The following SIK3 variants were observed in gnomAD, a reference collection of about 807,000 sequenced individuals.
The protein encoded by SIK3 is serine/threonine-protein kinase SIK3.
Under a neutral mutation model 144.2 loss-of-function variants are expected in SIK3, and 28 were observed. The observed-to-expected ratio is 0.19, with a 90% confidence interval of 0.14 to 0.27. SIK3 has a LOEUF of 0.27. Ranked by LOEUF, SIK3 falls within the 10% of genes least tolerant of loss-of-function variation. The pLI is 1.00. For synonymous variants in SIK3, 686 were observed against 676.3 expected, an observed-to-expected ratio of 1.01 and a Z score of -0.22; for missense variants, 1,319 against 1,776.0, an observed-to-expected ratio of 0.74 and a Z score of 4.62.
intron 1 of SIK3, among the ~76,000 whole-genome samples, chr11:116,984,692 A>C (rs942436507): frequency 1.4e-5 from 2 of 146,718 alleles, no homozygotes; most frequent in African/African-American, 2.7e-5. Context: ...GAAAAAAAGC[A>C]ACACACACAC....
intron 1 of SIK3, among the ~76,000 whole-genome samples, chr11:117,032,020 T>C (rs1288148757): frequency 6.6e-6 from 1 of 152,214 alleles, no homozygotes; most frequent in Non-Finnish European, 1.5e-5. Flanking sequence ...GCTTTTCTAT[T>C]CTGTTTCATT....
At chr11:116,925,149 C>A (rs1565458570) in intron 4 of SIK3, among the ~76,000 whole-genome samples, 1 of 151,872 alleles carries the variant, frequency 6.6e-6, no homozygotes, top group African/African-American at 2.4e-5. Context: ...GGCATAGAAG[C>A]GCGCACCTGT....
chr11:116,992,409 T>C (rs35034736), intron 1 of SIK3, among the ~76,000 whole-genome samples: 1 of 151,710 alleles, frequency 6.6e-6, no homozygotes, highest in Non-Finnish European at 1.5e-5. Context: ...GATTCTATTG[T>C]TTCCTTTCTT....
intron 21 of SIK3, among the ~76,000 whole-genome samples, chr11:116,851,959 C>T (rs1045969038): frequency 7.9e-5 from 12 of 152,194 alleles, no homozygotes; most frequent in African/African-American, 2.7e-4. Context: ...TAACATCATC[C>T]ACTCAATTCC....
At chr11:117,013,915 G>GGGGTGTGTGTGTGTGTGTGT (rs1206309055) in intron 1 of SIK3, among the ~76,000 whole-genome samples, 1 of 23,618 alleles carries the variant, frequency 4.2e-5, no homozygotes, top group African/African-American at 8.7e-5. Flanking sequence ...GGGGGGGGAG[G>GGGGTGTGTGTGTGTGTGTGT]GTGTGTGTGT....
chr11:117,012,919 T>C (rs887809219), intron 1 of SIK3, among the ~76,000 whole-genome samples: 7 of 144,788 alleles, frequency 4.8e-5, no homozygotes, highest in Non-Finnish European at 9.0e-5. Context: ...CGGCGTGATC[T>C]CGGCTCACTG....
Position 116,859,743 on chromosome 11 carries a change from T to C in SIK3, c.2426-139A>G. ...AACTGCACTGAGCATAGGACAAGTC[T>C]GGAGAACTTGTTAAACAGAAGATTC... On this transcript the variant is annotated intron_variant, in intron 19 of 24. Coordinates refer to ENST00000445177, the MANE Select transcript of SIK3 (RefSeq NM_001366686.3). The C allele has an allele frequency of 5.7e-6, 4 of 706,434 alleles. No homozygotes were observed. The South Asian group carries it at 5.7e-5, about 10-fold the overall frequency. The allele number at this position is 706,434 out of a possible 1,614,324, so 43.8% of individuals were successfully genotyped here.
chr11:117,037,528 A>G (rs1952562128), intron 1 of SIK3, among the ~76,000 whole-genome samples: 1 of 152,162 alleles, frequency 6.6e-6, no homozygotes, highest in Non-Finnish European at 1.5e-5. Context: ...AAGCTTCACT[A>G]AGGCTGAGAA....
rs1274106943 is a variant in SIK3, at chr11:117,076,531, A to AT, written c.273+21611dup. On this transcript the variant is annotated intron_variant, in intron 1 of 24. Coordinates refer to ENST00000445177, the MANE Select transcript of SIK3 (RefSeq NM_001366686.3). ...TTTAAATGATATTGCCTTAAACACA[A>AT]TTTTTTTTTTTTCGAGATGGAGTCT... Among the ~76,000 whole-genome samples the AT allele has an allele frequency of 8.1e-3, 1,196 of 146,786 alleles. 12 individuals are homozygous for AT. Among genetic ancestry groups the AT allele is most frequent in the African/African-American group, 0.027 (1,090 of 40,274 alleles).
intron 1 of SIK3, among the ~76,000 whole-genome samples, chr11:117,003,484 T>C (rs1448181371): frequency 6.8e-6 from 1 of 146,144 alleles, no homozygotes; most frequent in African/African-American, 2.5e-5. Flanking sequence ...CAGGATGAAA[T>C]AAAAAAAAAA....
intron 1 of SIK3, among the ~76,000 whole-genome samples, chr11:116,968,860 G>A (rs1289410609): frequency 2.0e-5 from 3 of 152,158 alleles, no homozygotes; most frequent in African/African-American, 7.2e-5. Flanking sequence ...CACAATTTAA[G>A]TAAAACCCAA....
chr11:117,011,570 C>G (rs1033342321), intron 1 of SIK3, among the ~76,000 whole-genome samples: 1 of 151,952 alleles, frequency 6.6e-6, no homozygotes, highest in South Asian at 2.1e-4. Context: ...GTGAGATTTA[C>G]AAAGAATTCA....
In SIK3 at chr11:117,093,506, T is replaced by C. The variant is rs547072713; in HGVS notation, c.273+4637A>G. Among the ~76,000 whole-genome samples the C allele has an allele frequency of 2.6e-5, 4 of 152,330 alleles. No individual in the cohort carries two copies. The East Asian group carries it at 7.7e-4, about 29-fold the overall frequency. ...CAGAAACATTTCTTAAATATTTCAC[T>C]TAAACCTAATTTAAGTGGACCTCTG... On this transcript the variant is annotated intron_variant, in intron 1 of 24. Transcript: ENST00000445177.
At chr11:116,989,206 T>C (rs922791385) in intron 1 of SIK3, among the ~76,000 whole-genome samples, 10 of 152,218 alleles carry the variant, frequency 6.6e-5, no homozygotes, top group Non-Finnish European at 7.4e-5. Flanking sequence ...CTTTTTTTTT[T>C]CCCCGCATGT....
chr11:116,956,888 A>G, intron 2 of SIK3, 60 bp downstream of exon 2: 2 of 1,001,300 alleles, frequency 2.0e-6, no homozygotes, highest in Non-Finnish European at 2.9e-6. Context: ...CTTCAAAGGG[A>G]GCCATACATA....
intron 1 of SIK3, 32 bp from the exon 2 acceptor site, chr11:116,957,096 G>T: frequency 7.7e-7 from 1 of 1,303,156 alleles, no homozygotes; most frequent in Non-Finnish European, 1.1e-6. Context: ...TTACTCTGAT[G>T]CATTATTAAA....
intron 1 of SIK3, among the ~76,000 whole-genome samples, chr11:117,014,244 C>T (rs894084321): frequency 6.6e-6 from 1 of 151,806 alleles, no homozygotes; most frequent in South Asian, 2.1e-4. Context: ...TCTTACATCT[C>T]TTAGTATCTA....
intron 1 of SIK3, among the ~76,000 whole-genome samples, chr11:117,053,367 T>C (rs1049427920): frequency 1.3e-5 from 2 of 149,686 alleles, no homozygotes; most frequent in East Asian, 3.9e-4. Flanking sequence ...AAGTGGCAAA[T>C]GCTATTATAG....
chr11:117,037,176 AG>A (rs1341316594), intron 1 of SIK3, among the ~76,000 whole-genome samples: 5 of 152,184 alleles, frequency 3.3e-5, no homozygotes, highest in African/African-American at 4.8e-5. Flanking sequence ...GCTGCAAAAA[AG>A]GGAAAAACTG....
Sources: allele counts gnomAD v4.1 joint callset (sites outside exome capture counted in the v4.1 genomes callset), GRCh38; gene constraint gnomAD v4.1.1; transcripts MANE v1.5; gene names NCBI Gene and HGNC (gene_info 2026-07-23, HGNC 2026-07-21).